Variants in VPS53 observed in about 807,000 individuals in gnomAD.
VPS53 encodes the protein VPS53 subunit of GARP complex, also known as vacuolar protein sorting-associated protein 53 homolog.
In VPS53, 70 loss-of-function variants were observed where a neutral mutation model predicts 107.0. That is an observed-to-expected ratio of 0.65 (90% confidence interval 0.54 to 0.80). The LOEUF is 0.80. VPS53 is among the 30% of genes least tolerant of loss of function. The pLI is 0.00. For missense variants in VPS53, 917 were observed against 1,049.4 expected (o/e 0.87, Z 1.74); for synonymous variants, 409 against 393.3 (o/e 1.04, Z -0.47).
At chr17:613,789 C>T (rs1969010150) in intron 11 of VPS53, among the ~76,000 whole-genome samples, 1 of 151,568 alleles carries the variant, frequency 6.6e-6, no homozygotes, top group Admixed American at 6.6e-5. Context: ...AAAACCTGTA[C>T]AAATATTCAC....
intron 13 of VPS53, among the ~76,000 whole-genome samples, chr17:571,759 G>A (rs1162422496): frequency 3.3e-5 from 5 of 152,258 alleles, no homozygotes; most frequent in Non-Finnish European, 2.9e-5. Context: ...TGGCCGGGCT[G>A]GTCTCCAGCT....
In VPS53 at chr17:519,418, G is replaced by A; in HGVS notation, c.2329-120C>T. ...TCTGGAGACAGCATAGTTACTCCAG[G>A]CTGAGGATGAACCGTTTCCTCAAGG... On this transcript the variant is annotated intron_variant, in intron 21 of 21. Coordinates refer to ENST00000437048, the MANE Select transcript of VPS53 (RefSeq NM_001128159.3). This position sits in a 1 kb window ranked among gnomAD's most constrained non-coding sequence, Gnocchi z 5.0. The A allele has an allele frequency of 9.4e-7, 1 of 1,065,274 alleles. No individual in the cohort carries two copies. 66.0% of individuals were successfully genotyped at this position (1,065,274 alleles called of 1,614,324 possible).
At chr17:547,114 T>C (rs756702976) in intron 17 of VPS53, among the ~76,000 whole-genome samples, 6 of 152,140 alleles carry the variant, frequency 3.9e-5, no homozygotes, top group Non-Finnish European at 8.8e-5. Context: ...TGACCTCAGG[T>C]GATCTGCCCA....
At chr17:601,963 G>C in intron 11 of VPS53, 67 bp from the exon 12 acceptor site, 10 of 1,198,500 alleles carry the variant, frequency 8.3e-6, no homozygotes, top group Non-Finnish European at 1.1e-5. Flanking sequence ...CCATTGATCT[G>C]CTTTTTCTAG....
At position 520,388 on chromosome 17, in the gene VPS53, G is replaced by A. The variant is rs547497295; in HGVS notation, c.2224-458C>T. 3.9e-5 allele frequency among the ~76,000 whole-genome samples: 6 copies of A among 152,264 alleles called. No homozygotes were observed. The South Asian group carries it at 8.3e-4, about 21-fold the overall frequency. On this transcript the variant is annotated intron_variant, in intron 20 of 21. Coordinates refer to ENST00000437048, the MANE Select transcript of VPS53 (RefSeq NM_001128159.3). The surrounding 1 kb of genome is among the most constrained non-coding windows in gnomAD (Gnocchi z 4.4). ...CGGTACTTGCTCCTTCTGCCTTGACGTACTATGATTCCTGAGAAATGGGTG... is the reference window on the plus strand; with the variant it reads ...CGGTACTTGCTCCTTCTGCCTTGACATACTATGATTCCTGAGAAATGGGTG...
chr17:594,502 T>C (rs1967851742), intron 12 of VPS53, among the ~76,000 whole-genome samples: 1 of 148,930 alleles, frequency 6.7e-6, no homozygotes, highest in South Asian at 2.2e-4. Context: ...TCTGGATCAA[T>C]TTCCTGGTTT....
rs1486083327 is a variant in VPS53, at chr17:686,904, T to C, written c.285+10514A>G. On this transcript the variant is annotated intron_variant, in intron 4 of 21. Coordinates refer to ENST00000437048, the MANE Select transcript of VPS53 (RefSeq NM_001128159.3). ...GCTCATGCCTGTAATCCCAGCACTT[T>C]AGGAGGCTGAGGCAGAAGGATTGCT... 2.0e-5 allele frequency among the ~76,000 whole-genome samples: 3 copies of C among 152,210 alleles called. No individual in the cohort carries two copies. The East Asian group carries it at 5.8e-4, about 29-fold the overall frequency.
intron 7 of VPS53, among the ~76,000 whole-genome samples, chr17:648,292 C>T (rs1567706622): frequency 1.3e-5 from 2 of 152,196 alleles, no homozygotes; most frequent in Non-Finnish European, 2.9e-5. Flanking sequence ...TCACACCTGT[C>T]ATCCCAGCAC....
At chr17:669,588 GT>G (rs1229719289) in intron 4 of VPS53, among the ~76,000 whole-genome samples, 6 of 50,884 alleles carry the variant, frequency 1.2e-4, no homozygotes, top group African/African-American at 2.1e-4. Flanking sequence ...GACATACTCT[GT>G]CTTAAAAAAA....
At chr17:711,978 G>C (rs573240559) in intron 1 of VPS53, among the ~76,000 whole-genome samples, 1 of 151,870 alleles carries the variant, frequency 6.6e-6, no homozygotes, top group Non-Finnish European at 1.5e-5. Flanking sequence ...CACCATACCC[G>C]GCTTATTTTT....
chr17:700,736 C>T (rs1973166587), intron 2 of VPS53, among the ~76,000 whole-genome samples: 1 of 152,134 alleles, frequency 6.6e-6, no homozygotes, highest in Non-Finnish European at 1.5e-5. Context: ...TTTTATAGTA[C>T]TATTTTAATT....
At chr17:521,521 T>A (rs1161344347) in intron 20 of VPS53, 80 bp downstream of exon 20, 7 of 1,439,932 alleles carry the variant, frequency 4.9e-6, no homozygotes, top group Non-Finnish European at 5.6e-6. Context: ...GGATAGGACC[T>A]ACCCTGTGCT....
chr17:665,776 G>A (rs989516849), intron 4 of VPS53, among the ~76,000 whole-genome samples: 13 of 152,272 alleles, frequency 8.5e-5, no homozygotes, highest in Admixed American at 2.6e-4. Flanking sequence ...AGCCTGAGGC[G>A]GGCGGATCGC....
chr17:572,433 G>A (rs1362208466), intron 13 of VPS53, among the ~76,000 whole-genome samples: 1 of 147,546 alleles, frequency 6.8e-6, no homozygotes, highest in Non-Finnish European at 1.5e-5. Context: ...CCCCCCGCCC[G>A]GCCAGCCGCC....
At chr17:634,901 G>GTA (rs199945751) in intron 7 of VPS53, among the ~76,000 whole-genome samples, 48,266 of 145,596 alleles carry the variant, frequency 0.33, 9,706 homozygotes, top group Non-Finnish European at 0.46. Flanking sequence ...AATCCTTTGG[G>GTA]TATATACCCA....
At chr17:531,096 T>C (rs1305857708) in intron 19 of VPS53, among the ~76,000 whole-genome samples, 1 of 152,218 alleles carries the variant, frequency 6.6e-6, no homozygotes, top group African/African-American at 2.4e-5. Flanking sequence ...GTTAACTTGA[T>C]TCTGATGGTT....
intron 5 of VPS53, among the ~76,000 whole-genome samples, chr17:660,805 C>G (rs1286550961): frequency 6.6e-6 from 1 of 152,156 alleles, no homozygotes; most frequent in African/African-American, 2.4e-5. Context: ...TCACAACAAC[C>G]CTGTGAGGCA....
intron 7 of VPS53, among the ~76,000 whole-genome samples, chr17:632,149 C>T (rs868510899): frequency 4.6e-5 from 7 of 152,036 alleles, no homozygotes; most frequent in African/African-American, 1.4e-4. Context: ...CGGGAGGCTG[C>T]GGCGGGAGGA....
chr17:558,109 C>T (rs1359243555), intron 15 of VPS53, among the ~76,000 whole-genome samples: 2 of 152,232 alleles, frequency 1.3e-5, no homozygotes, highest in African/African-American at 4.8e-5. Flanking sequence ...ATCCTTCCAC[C>T]TTGGCTTCCC....
Sources: allele counts gnomAD v4.1 joint callset (sites outside exome capture counted in the v4.1 genomes callset), GRCh38; gene constraint gnomAD v4.1.1; non-coding constraint Gnocchi (gnomAD v3.1); transcripts MANE v1.5; gene names NCBI Gene and HGNC (gene_info 2026-07-23, HGNC 2026-07-21).